Variants in OSTN observed in about 807,000 individuals in gnomAD.
The protein encoded by OSTN is osteocrin.
A neutral mutation model predicts 12.0 loss-of-function variants in OSTN; 9 were observed. The observed-to-expected ratio is 0.75, with a 90% CI of 0.45 to 1.30. The LOEUF (loss-of-function observed/expected upper bound fraction) is 1.30. Ranked by LOEUF, OSTN falls within the 50% of genes most tolerant of loss-of-function variation. The pLI is 0.00. For synonymous variants in OSTN, 59 were observed against 56.9 expected (o/e 1.04, Z -0.16); for missense variants, 148 against 152.3 (o/e 0.97, Z 0.15).
intron 2 of OSTN, 65 bp from the exon 3 acceptor site, chr3:191,218,681 AT>A: frequency 7.7e-7 from 1 of 1,303,482 alleles, no homozygotes; most frequent in Non-Finnish European, 1.1e-6. Context: ...CAAAAGCCAG[AT>A]GCATATGTAC....
At chr3:191,236,688 A>G (rs562449892) in intron 3 of OSTN, among the ~76,000 whole-genome samples, 1 of 152,190 alleles carries the variant, frequency 6.6e-6, no homozygotes, top group Non-Finnish European at 1.5e-5. Flanking sequence ...TAAACTAAGA[A>G]TACTTTTGTT....
At chr3:191,223,257 G>T (rs926704417) in intron 3 of OSTN, among the ~76,000 whole-genome samples, 12 of 152,282 alleles carry the variant, frequency 7.9e-5, no homozygotes, top group South Asian at 2.1e-4. Flanking sequence ...ACGTATGAAA[G>T]CTACAAATAA....
chr3:191,221,488 G>T (rs1254757719), intron 3 of OSTN, among the ~76,000 whole-genome samples: 2 of 152,188 alleles, frequency 1.3e-5, no homozygotes, highest in Non-Finnish European at 2.9e-5. Flanking sequence ...TCCAGGCTGA[G>T]GTGGTCTCAG....
At position 191,225,980 on chromosome 3, in the gene OSTN, T is replaced by C. The variant is rs76054728; in HGVS notation, c.317+7019T>C. 1.9e-3 allele frequency among the ~76,000 whole-genome samples: 287 copies of C among 152,224 alleles called. 1 individual carries two copies. Among genetic ancestry groups the C allele is most frequent in the African/African-American group, 6.6e-3 (273 of 41,544 alleles). ...CATACCCTGAATCTAAAATAAAATA[T>C]TTTTTAAAAATACTTTGTAAAAGAA... On this transcript the variant is annotated intron_variant, in intron 3 of 4. Transcript: ENST00000682035.
At chr3:191,248,650 C>A (rs185734231) in intron 3 of OSTN, among the ~76,000 whole-genome samples, 2 of 152,228 alleles carry the variant, frequency 1.3e-5, no homozygotes, top group Admixed American at 6.5e-5. Flanking sequence ...CATTATTGGT[C>A]AAAAAATTGA....
At chr3:191,224,970 G>A (rs1300995609) in intron 3 of OSTN, among the ~76,000 whole-genome samples, 1 of 151,600 alleles carries the variant, frequency 6.6e-6, no homozygotes, top group Non-Finnish European at 1.5e-5. Flanking sequence ...AAAGCATAAG[G>A]TAAAAATTAA....
Position 191,262,899 on chromosome 3 carries a change from A to G in OSTN, c.*46A>G, listed in dbSNP as rs1482736860. On this transcript the variant is annotated 3_prime_UTR_variant, in exon 5 of 5. Coordinates refer to ENST00000682035, the MANE Select transcript of OSTN (RefSeq NM_198184.2). ...TCCTTGGGTGAAATGTCACAGCAATATGGAAGATGCTTCACTGAAGTTATT... is the reference window on the plus strand; with the variant it reads ...TCCTTGGGTGAAATGTCACAGCAATGTGGAAGATGCTTCACTGAAGTTATT... 1.4e-6 allele frequency: 1 copy of G among 702,128 alleles called. No homozygotes were observed. The allele number at this position is 702,128 out of a possible 1,614,324, so 43.5% of individuals were successfully genotyped here.
At position 191,226,298 on chromosome 3, in the gene OSTN, A is replaced by G. The variant is rs1261693909; in HGVS notation, c.317+7337A>G. The stretch of plus-strand genomic sequence containing the variant: ...CAATAGATAAAAGTCATATGATTAT[A>G]TCAATAGGTGACAGAAGAGGTATTT... On this transcript the variant is annotated intron_variant, in intron 3 of 4. Coordinates refer to ENST00000682035, the MANE Select transcript of OSTN (RefSeq NM_198184.2). Among the ~76,000 whole-genome samples the G allele has an allele frequency of 2.0e-5, 3 of 152,304 alleles. No homozygotes were observed. In the East Asian group the frequency reaches 5.8e-4, roughly 29 times the overall value.
intron 3 of OSTN, among the ~76,000 whole-genome samples, chr3:191,247,938 A>G (rs1344089565): frequency 6.6e-6 from 1 of 152,108 alleles, no homozygotes; most frequent in East Asian, 1.9e-4. Context: ...GGTTCAAGCG[A>G]TTCTCATGCC....
intron 2 of OSTN, among the ~76,000 whole-genome samples, chr3:191,215,976 T>G (rs1211380207): frequency 6.6e-6 from 1 of 152,214 alleles, no homozygotes; most frequent in Non-Finnish European, 1.5e-5. Flanking sequence ...CCCACATTTC[T>G]CTTCTGCACT....
At chr3:191,222,807 G>A (rs1327670992) in intron 3 of OSTN, among the ~76,000 whole-genome samples, 2 of 152,018 alleles carry the variant, frequency 1.3e-5, no homozygotes, top group Non-Finnish European at 2.9e-5. Context: ...ATTGAATCAT[G>A]GGGGTGGCTA....
chr3:191,250,371 A>T (rs923624086), intron 4 of OSTN, among the ~76,000 whole-genome samples: 1 of 152,184 alleles, frequency 6.6e-6, no homozygotes, highest in East Asian at 1.9e-4. Flanking sequence ...TTAATGATTT[A>T]GTTGTTTTCA....
chr3:191,218,652 G>A lies in OSTN; in HGVS notation c.103-95G>A, dbSNP rs1714683866. ...AAAATTGTAAGATGTTACATGATGA[G>A]TATGTCAGCTAACAGTAGCAAAAGC... On this transcript the variant is annotated intron_variant, in intron 2 of 4. Transcript: ENST00000682035. 5 of 955,434 alleles carry A rather than the reference G, an allele frequency of 5.2e-6. No homozygotes were observed. The East Asian group carries it at 1.3e-4, about 24-fold the overall frequency. The allele number at this position is 955,434 out of a possible 1,614,324, so 59.2% of individuals were successfully genotyped here. A position where few individuals can be genotyped will look rare whatever the true frequency, so the allele number is the denominator to read the frequency against.
chr3:191,224,682 A>G (rs555065971), intron 3 of OSTN, among the ~76,000 whole-genome samples: 1 of 152,266 alleles, frequency 6.6e-6, no homozygotes, highest in African/African-American at 2.4e-5. Context: ...CTAGAAATTA[A>G]TAACAAAATC....
intron 2 of OSTN, chr3:191,217,151 G>A (rs1334639941): frequency 6.6e-6 from 1 of 152,256 alleles, no homozygotes; most frequent in Non-Finnish European, 1.5e-5. Context: ...TTCTTCACAA[G>A]GCAGCAGGAA....
intron 3 of OSTN, among the ~76,000 whole-genome samples, chr3:191,237,382 G>T (rs1362827874): frequency 6.6e-6 from 1 of 152,172 alleles, no homozygotes; most frequent in Non-Finnish European, 1.5e-5. Flanking sequence ...CTCCTTAGAA[G>T]AAAGACTTTG....
intron 4 of OSTN, among the ~76,000 whole-genome samples, chr3:191,257,015 T>C (rs1715687175): frequency 6.6e-6 from 1 of 151,800 alleles, no homozygotes. Context: ...GCACCCCATC[T>C]GTACAAAAAA....
At chr3:191,260,751 C>T (rs1314893054) in intron 4 of OSTN, among the ~76,000 whole-genome samples, 1 of 151,780 alleles carries the variant, frequency 6.6e-6, no homozygotes, top group East Asian at 1.9e-4. Context: ...CCCACTTAGT[C>T]AGATGTCAAG....
At chr3:191,242,461 G>A (rs985090490) in intron 3 of OSTN, among the ~76,000 whole-genome samples, 12 of 152,118 alleles carry the variant, frequency 7.9e-5, no homozygotes, top group Non-Finnish European at 1.6e-4. Flanking sequence ...AGAACTTGAC[G>A]AGCTGAATCT....
Sources: gnomAD v4.1 joint callset for allele counts (sites outside exome capture counted in the v4.1 genomes callset) on GRCh38, gnomAD v4.1.1 for gene constraint, MANE v1.5 for transcripts, NCBI Gene and HGNC (gene_info 2026-07-23, HGNC 2026-07-21) for gene names.